Variants in PDE7A observed in about 807,000 individuals in gnomAD.
The protein encoded by PDE7A is high affinity 3',5'-cyclic-AMP phosphodiesterase 7A.
A neutral mutation model predicts 64.3 loss-of-function variants in PDE7A; 39 were observed. The ratio of observed to expected loss-of-function variants is 0.61; its 90% CI spans 0.47 to 0.79. The LOEUF (loss-of-function observed/expected upper bound fraction) is 0.79. Ranked by LOEUF, PDE7A falls within the 30% of genes least tolerant of loss-of-function variation. The pLI, the probability that PDE7A is intolerant of heterozygous loss-of-function variation, is 0.00. For missense variants in PDE7A, 470 were observed against 582.8 expected (o/e 0.81, Z 1.99); for synonymous variants, 203 against 206.8 (o/e 0.98, Z 0.16).
chr8:65,773,339 A>G lies in PDE7A; in HGVS notation c.283+6381T>C, dbSNP rs551377862. On this transcript the variant is annotated intron_variant, in intron 3 of 12. Coordinates refer to ENST00000401827, the MANE Select transcript of PDE7A (RefSeq NM_001242318.3). ...TAAAGAGACATATTCTTGTTTTGTA[A>G]TAACTATAGGACCAAGTCTATAGCA... 5.9e-5 allele frequency among the ~76,000 whole-genome samples: 9 copies of G among 152,346 alleles called. No homozygotes were observed. The South Asian group carries it at 1.9e-3, about 32-fold the overall frequency.
At chr8:65,735,061 A>G (rs1807068061) in intron 6 of PDE7A, among the ~76,000 whole-genome samples, 167 bp from the exon 7 acceptor site, 1 of 152,194 alleles carries the variant, frequency 6.6e-6, no homozygotes, top group South Asian at 2.1e-4. Flanking sequence ...ATGTATACCA[A>G]AAGAATCAAT....
At chr8:65,832,118 C>T (rs1810841990) in intron 1 of PDE7A, among the ~76,000 whole-genome samples, 1 of 152,086 alleles carries the variant, frequency 6.6e-6, no homozygotes, top group African/African-American at 2.4e-5. Context: ...AATTATGTTG[C>T]TAGCATTTCT....
chr8:65,730,459 T>G (rs1001960272), intron 7 of PDE7A, among the ~76,000 whole-genome samples: 2 of 151,742 alleles, frequency 1.3e-5, no homozygotes, highest in African/African-American at 2.4e-5. Context: ...GGATTACAGG[T>G]GTGAGCCACC....
At chr8:65,820,692 C>T (rs763056107) in intron 1 of PDE7A, among the ~76,000 whole-genome samples, 2 of 151,264 alleles carry the variant, frequency 1.3e-5, no homozygotes, top group African/African-American at 4.8e-5. Flanking sequence ...TGGGTTCAAG[C>T]GATCCTCGTG....
intron 1 of PDE7A, among the ~76,000 whole-genome samples, chr8:65,793,407 A>T (rs931156826): frequency 4.6e-5 from 7 of 152,012 alleles, no homozygotes; most frequent in African/African-American, 9.7e-5. Context: ...TCAAAAATTT[A>T]AAAAAAATTG....
chr8:65,812,834 CAAGGATT>C (rs1352895672), intron 1 of PDE7A, among the ~76,000 whole-genome samples: 6 of 152,130 alleles, frequency 3.9e-5, no homozygotes, highest in African/African-American at 1.4e-4. Context: ...ATCACACTGG[CAAGGATT>C]CGAAAGACTG....
At chr8:65,741,923 AAC>A (rs1807453112) in intron 5 of PDE7A, among the ~76,000 whole-genome samples, 1 of 152,358 alleles carries the variant, frequency 6.6e-6, no homozygotes, top group East Asian at 1.9e-4. Flanking sequence ...GCAGTGAAGA[AAC>A]ACATGTAATG....
chr8:65,812,687 T>G (rs1430089142), intron 1 of PDE7A, among the ~76,000 whole-genome samples: 2 of 152,228 alleles, frequency 1.3e-5, no homozygotes, highest in Non-Finnish European at 2.9e-5. Flanking sequence ...TTTCTTATAT[T>G]ACTCTTACAA....
intron 3 of PDE7A, among the ~76,000 whole-genome samples, chr8:65,757,557 T>C (rs1367824691): frequency 6.6e-6 from 1 of 152,202 alleles, no homozygotes; most frequent in Non-Finnish European, 1.5e-5. Context: ...GCATCTGGAA[T>C]AATTGAGCTA....
intron 3 of PDE7A, among the ~76,000 whole-genome samples, chr8:65,768,678 G>A (rs1379072443): frequency 6.6e-6 from 1 of 152,138 alleles, no homozygotes; most frequent in East Asian, 1.9e-4. Context: ...ACATTTCCCA[G>A]AGAAGAAAAT....
chr8:65,811,982 G>C (rs1810268101), intron 1 of PDE7A, among the ~76,000 whole-genome samples: 1 of 152,088 alleles, frequency 6.6e-6, no homozygotes, highest in Non-Finnish European at 1.5e-5. Flanking sequence ...CAAGGCAAGT[G>C]GATCAGTTGA....
At chr8:65,768,033 A>AG (rs947229382) in intron 3 of PDE7A, among the ~76,000 whole-genome samples, 5 of 152,096 alleles carry the variant, frequency 3.3e-5, no homozygotes, top group African/African-American at 1.2e-4. Context: ...CCCTCCAGGT[A>AG]GACAGTGTTG....
chr8:65,736,487 TCA>T (rs1461939095), intron 6 of PDE7A, among the ~76,000 whole-genome samples: 1 of 152,192 alleles, frequency 6.6e-6, no homozygotes, highest in Non-Finnish European at 1.5e-5. Flanking sequence ...GTGCACTGCC[TCA>T]CACCTGTAAT....
chr8:65,741,184 C>T (rs995344466), intron 5 of PDE7A, among the ~76,000 whole-genome samples: 13 of 152,228 alleles, frequency 8.5e-5, no homozygotes, highest in African/African-American at 2.9e-4. Context: ...AAATAGACCA[C>T]GTTTTAAATA....
chr8:65,765,586 G>A (rs532965764), intron 3 of PDE7A: 10 of 148,640 alleles, frequency 6.7e-5, no homozygotes, highest in Non-Finnish European at 1.5e-4. Context: ...AAAAGAAAAT[G>A]GAAAAAACTG....
intron 1 of PDE7A, among the ~76,000 whole-genome samples, chr8:65,822,914 A>C (rs1810577043): frequency 6.6e-6 from 1 of 152,020 alleles, no homozygotes; most frequent in African/African-American, 2.4e-5. Context: ...CAAAATTTTA[A>C]AGCACTTATT....
chr8:65,840,027 C>A (rs1435987376), intron 1 of PDE7A, among the ~76,000 whole-genome samples: 2 of 152,108 alleles, frequency 1.3e-5, no homozygotes, highest in African/African-American at 4.8e-5. Flanking sequence ...CATTAAAAAC[C>A]TTTAACTACT....
intron 7 of PDE7A, among the ~76,000 whole-genome samples, chr8:65,730,622 T>C (rs1015875801): frequency 1.3e-5 from 2 of 152,126 alleles, no homozygotes; most frequent in African/African-American, 4.8e-5. Flanking sequence ...GCCACTGCTC[T>C]AGAGGTCTAA....
intron 6 of PDE7A, among the ~76,000 whole-genome samples, chr8:65,738,806 C>A (rs1345034938): frequency 1.3e-5 from 2 of 152,222 alleles, no homozygotes; most frequent in East Asian, 1.9e-4. Flanking sequence ...CTGCAATATA[C>A]CTGCTCTTTT....
Sources: allele counts gnomAD v4.1 joint callset (sites outside exome capture counted in the v4.1 genomes callset), GRCh38; gene constraint gnomAD v4.1.1; transcripts MANE v1.5; gene names NCBI Gene and HGNC (gene_info 2026-07-23, HGNC 2026-07-21).